BCOR: variants seen among roughly 807,000 people sequenced by gnomAD.
BCOR encodes the protein BCL-6 corepressor.
BCOR carries 10 observed loss-of-function variants against 86.7 expected under a neutral mutation model. The ratio of observed to expected loss-of-function variants is 0.12; its 90% confidence interval spans 0.07 to 0.20. The LOEUF (loss-of-function observed/expected upper bound fraction) is 0.20, where lower values mean the gene tolerates loss of function less well. Among genes scored for constraint, BCOR ranks in the 10% least tolerant of loss-of-function variants. BCOR has a pLI of 1.00. For missense variants in BCOR, 1,259 were observed against 1,452.1 expected, an observed-to-expected ratio of 0.87 and a Z score of 2.16; for synonymous variants, 611 against 609.0, an observed-to-expected ratio of 1.00 and a Z score of -0.05.
intron 1 of BCOR, among the ~76,000 whole-genome samples, chrX:40,105,024 G>C (rs1254034743): frequency 2.7e-5 from 3 of 111,146 alleles, no homozygotes; most frequent in African/African-American, 9.7e-5. Flanking sequence ...CCGCGGGTAA[G>C]CTGAGTCGGC....
intron 1 of BCOR, among the ~76,000 whole-genome samples, chrX:40,156,003 G>A (rs1401392728): frequency 8.8e-6 from 1 of 113,111 alleles, no homozygotes; most frequent in African/African-American, 3.2e-5. Context: ...CCGAGTTCTG[G>A]GCACAGCTCA....
upstream of BCOR, among the ~76,000 whole-genome samples, chrX:40,098,721 T>C (rs1937007625): frequency 9.1e-6 from 1 of 110,120 alleles, no homozygotes; most frequent in Non-Finnish European, 1.9e-5. Flanking sequence ...AGTTTGCCCC[T>C]TCCTCCCAGA....
At chrX:40,139,485 ATATATATATATATT>A (rs1362433352) in intron 1 of BCOR, among the ~76,000 whole-genome samples, 3 of 14,099 alleles carry the variant, frequency 2.1e-4, no homozygotes, top group African/African-American at 1.3e-3. Context: ...ATATATATAT[ATATATATATATATT>A]TTTTTTTTTT....
At chrX:40,066,140 G>C (rs1935189644) in intron 6 of BCOR, among the ~76,000 whole-genome samples, 1 of 111,683 alleles carries the variant, frequency 9.0e-6, no homozygotes, top group Non-Finnish European at 1.9e-5. Context: ...GGACAGGGAT[G>C]GCTGGGACTG....
chrX:40,139,464 TATATATATA>T (rs1427946843), intron 1 of BCOR, among the ~76,000 whole-genome samples: 1 of 2,919 alleles, frequency 3.4e-4, no homozygotes, highest in Non-Finnish European at 4.8e-4. Flanking sequence ...TACATATATA[TATATATATA>T]TATATATATA....
At chrX:40,101,662 T>G (rs781292052), upstream of BCOR, among the ~76,000 whole-genome samples, 82 of 112,661 alleles carry the variant, frequency 7.3e-4, no homozygotes, top group African/African-American at 2.5e-3. Flanking sequence ...CCCACACACC[T>G]CCAGCTCCAC....
Position 40,171,676 on chromosome X carries a change from G to A in BCOR, c.-41+5331C>T, listed in dbSNP as rs763211446. 5.7e-4 allele frequency among the ~76,000 whole-genome samples: 65 copies of A among 113,248 alleles called. 1 individual carries two copies. The highest frequency in any genetic ancestry group is 1.0e-3 in the Admixed American group (11 of 10,867). ...CGCGTGGGCGCACCCTAAGAAACCA[G>A]TGCGGACATGGCGAGCGAGACCAGA... On this transcript the variant is annotated intron_variant, in intron 1 of 14. Transcript: ENST00000342274.
chrX:40,100,522 A>G (rs769094684), upstream of BCOR, among the ~76,000 whole-genome samples: 8 of 111,618 alleles, frequency 7.2e-5, no homozygotes, highest in Admixed American at 1.9e-4. Flanking sequence ...GCAGCCTCTC[A>G]GAGTCTTACG....
intron 1 of BCOR, among the ~76,000 whole-genome samples, chrX:40,161,506 C>CTTTTTTTTTTTTT (rs749528691): frequency 5.4e-5 from 3 of 55,980 alleles, no homozygotes; most frequent in Non-Finnish European, 9.4e-5. Flanking sequence ...CGATTCTCCC[C>CTTTTTTTTTTTTT]TTTTTTTTTT....
chrX:40,079,191 CT>C (rs1935960080), intron 1 of BCOR, among the ~76,000 whole-genome samples: 1 of 111,774 alleles, frequency 8.9e-6, no homozygotes, highest in Non-Finnish European at 1.9e-5. Context: ...ATCAGGGGAA[CT>C]TTTTTCTCCT....
intron 1 of BCOR, among the ~76,000 whole-genome samples, chrX:40,152,654 C>T (rs1197915588): frequency 8.9e-6 from 1 of 112,860 alleles, no homozygotes; most frequent in Non-Finnish European, 1.9e-5. Context: ...GGGGTCCCCA[C>T]CCCACCCCCA....
intron 1 of BCOR, among the ~76,000 whole-genome samples, chrX:40,135,029 A>C (rs1318299687): frequency 9.0e-6 from 1 of 111,530 alleles, no homozygotes; most frequent in Non-Finnish European, 1.9e-5. Context: ...AGAAATCATC[A>C]CTTTCTGCAG....
At chrX:40,093,405 G>A (rs777383962) in intron 1 of BCOR, among the ~76,000 whole-genome samples, 2 of 112,043 alleles carry the variant, frequency 1.8e-5, no homozygotes, top group South Asian at 3.7e-4. Flanking sequence ...AAGAAAGGAA[G>A]AGGAGGGAGG....
At chrX:40,100,000 AT>A (rs1266746082), upstream of BCOR, among the ~76,000 whole-genome samples, 12 of 111,431 alleles carry the variant, frequency 1.1e-4, no homozygotes, top group Non-Finnish European at 1.7e-4. Context: ...CAACCCACAC[AT>A]TTTTTTAATC....
intron 10 of BCOR, among the ~76,000 whole-genome samples, chrX:40,060,767 C>T (rs1169662039): frequency 1.8e-5 from 2 of 112,980 alleles, no homozygotes; most frequent in African/African-American, 6.4e-5. Flanking sequence ...TTTTCAAATC[C>T]TTCTAGAGAG....
At chrX:40,128,689 C>T (rs1453932522) in intron 1 of BCOR, among the ~76,000 whole-genome samples, 2 of 111,650 alleles carry the variant, frequency 1.8e-5, no homozygotes, top group East Asian at 5.6e-4. Context: ...AAAGGAATAC[C>T]TCCTTTTCTT....
At chrX:40,149,693 G>A (rs771321708) in intron 1 of BCOR, among the ~76,000 whole-genome samples, 1 of 111,284 alleles carries the variant, frequency 9.0e-6, no homozygotes, top group South Asian at 3.8e-4. Flanking sequence ...GTTCGAGTCT[G>A]AGTCTTACAT....
At chrX:40,173,737 G>A (rs1938680971) in intron 1 of BCOR, among the ~76,000 whole-genome samples, 1 of 112,131 alleles carries the variant, frequency 8.9e-6, no homozygotes, top group Non-Finnish European at 1.9e-5. Flanking sequence ...AAGAGCGCTG[G>A]TTTCCAGGAC....
chrX:40,094,964 G>T (rs1292257131), intron 1 of BCOR, among the ~76,000 whole-genome samples: 1 of 112,233 alleles, frequency 8.9e-6, no homozygotes, highest in Admixed American at 9.3e-5. Flanking sequence ...TGGTGACAGC[G>T]CCTCAAAGGA....
Sources: allele counts gnomAD v4.1 joint callset (sites outside exome capture counted in the v4.1 genomes callset), GRCh38; gene constraint gnomAD v4.1.1; transcripts MANE v1.5; gene names NCBI Gene and HGNC (gene_info 2026-07-23, HGNC 2026-07-21).